Variants in CBFA2T2 observed in about 807,000 individuals in gnomAD.
CBFA2T2 encodes the protein CBFA2/RUNX1 partner transcriptional co-repressor 2, also known as protein CBFA2T2.
CBFA2T2 carries 11 observed loss-of-function variants against 62.2 expected under a neutral mutation model. That is an observed-to-expected ratio of 0.18 (90% confidence interval 0.11 to 0.29). CBFA2T2 has a LOEUF of 0.29. Ranked by LOEUF, CBFA2T2 falls within the 10% of genes least tolerant of loss-of-function variation. The pLI is 1.00. For missense variants in CBFA2T2, 592 were observed against 774.1 expected, an observed-to-expected ratio of 0.76 and a Z score of 2.79; for synonymous variants, 295 against 287.5, an observed-to-expected ratio of 1.03 and a Z score of -0.27.
chr20:33,520,970 T>TCACA (rs143080667), intron 1 of CBFA2T2, among the ~76,000 whole-genome samples: 3,035 of 137,074 alleles, frequency 0.022, 159 homozygotes, highest in Admixed American at 0.13. Context: ...TCACCTGCCA[T>TCACA]CACACACACA....
At chr20:33,490,931 T>G (rs1161727140) in intron 1 of CBFA2T2, among the ~76,000 whole-genome samples, 2 of 152,254 alleles carry the variant, frequency 1.3e-5, no homozygotes, top group Non-Finnish European at 2.9e-5. Context: ...ATTATTGTAA[T>G]CGTCCTTTAT....
At chr20:33,507,500 G>A (rs1177310950) in intron 1 of CBFA2T2, among the ~76,000 whole-genome samples, 3 of 152,126 alleles carry the variant, frequency 2.0e-5, no homozygotes, top group African/African-American at 7.2e-5. Context: ...TATGTATTTA[G>A]CTAATTTAAC....
chr20:33,581,923 G>A (rs1033199473), intron 1 of CBFA2T2, among the ~76,000 whole-genome samples: 2 of 152,172 alleles, frequency 1.3e-5, no homozygotes, highest in African/African-American at 4.8e-5. Flanking sequence ...TTCATTAGTG[G>A]AAAGGAATCT....
intron 1 of CBFA2T2, among the ~76,000 whole-genome samples, chr20:33,564,981 G>A (rs1312799918): frequency 1.3e-5 from 2 of 151,726 alleles, no homozygotes; most frequent in Non-Finnish European, 1.5e-5. Context: ...GTGCAGCGGC[G>A]CGATCTCGAC....
In CBFA2T2 at chr20:33,500,336, G is replaced by T. The variant is rs74623495; in HGVS notation, c.34+10035G>T. Among the ~76,000 whole-genome samples, 638 of 151,936 alleles carry T rather than the reference G, an allele frequency of 4.2e-3. 4 individuals carry two copies. The highest frequency in any genetic ancestry group is 0.014 in the African/African-American group (592 of 41,426). On this transcript the variant is annotated intron_variant, in intron 1 of 10. Transcript: ENST00000342704. ...GTTTTTAGACATGTGTTCTACAGGA[G>T]CCCAGAGCTTCCTGAAGATAATTGA...
intron 1 of CBFA2T2, among the ~76,000 whole-genome samples, chr20:33,599,243 CAGTG>C (rs922470368): frequency 2.0e-5 from 3 of 149,990 alleles, no homozygotes; most frequent in Admixed American, 6.6e-5. Flanking sequence ...GCCTGGGCGA[CAGTG>C]AGACTCTGTC....
At position 33,619,445 on chromosome 20, in the gene CBFA2T2, A is replaced by G. The variant is rs553039642; in HGVS notation, c.421-72A>G. ...AATAAATAACATTAAAAAAAAAAAA[A>G]AAGAAGAGTTTGGCACTATAAGTTT... On this transcript the variant is annotated intron_variant, in intron 3 of 10. Transcript: ENST00000342704. 4,114 of 751,704 alleles carry G rather than the reference A, an allele frequency of 5.5e-3. 27 individuals are homozygous for G. The highest frequency in any genetic ancestry group is 6.1e-3 in the Non-Finnish European group (2,959 of 481,660). The allele number at this position is 751,704 out of a possible 1,614,324, so 46.6% of individuals were successfully genotyped here.
At chr20:33,605,001 A>G (rs896154211) in intron 1 of CBFA2T2, among the ~76,000 whole-genome samples, 1 of 152,224 alleles carries the variant, frequency 6.6e-6, no homozygotes, top group Non-Finnish European at 1.5e-5. Flanking sequence ...GAACAGAGAA[A>G]TGGGAAGGGC....
intron 1 of CBFA2T2, among the ~76,000 whole-genome samples, chr20:33,544,605 T>C (rs1006120824): frequency 6.6e-6 from 1 of 152,144 alleles, no homozygotes; most frequent in South Asian, 2.1e-4. Context: ...TGGAGCGTAG[T>C]GGCGCGATCT....
chr20:33,513,604 G>A (rs1231151296), intron 1 of CBFA2T2, among the ~76,000 whole-genome samples: 12 of 151,080 alleles, frequency 7.9e-5, no homozygotes, highest in Admixed American at 1.3e-4. Flanking sequence ...CTTGTGATCC[G>A]CCTGCGTTGG....
intron 10 of CBFA2T2, among the ~76,000 whole-genome samples, chr20:33,642,613 AAG>A (rs1390303050): frequency 6.6e-6 from 1 of 152,026 alleles, no homozygotes; most frequent in Non-Finnish European, 1.5e-5. Flanking sequence ...TAAAAAAAAA[AAG>A]AAAAAAGAAA....
chr20:33,576,912 C>A (rs2013854230), intron 1 of CBFA2T2, among the ~76,000 whole-genome samples: 1 of 152,236 alleles, frequency 6.6e-6, no homozygotes, highest in Non-Finnish European at 1.5e-5. Context: ...TCTATGAGAT[C>A]TTATAGCTGC....
At chr20:33,539,650 A>T (rs1045456951) in intron 1 of CBFA2T2, among the ~76,000 whole-genome samples, 1 of 151,698 alleles carries the variant, frequency 6.6e-6, no homozygotes, top group African/African-American at 2.4e-5. Context: ...AATACTTTGT[A>T]GGGTGACAGC....
chr20:33,600,479 C>T (rs370600194), intron 1 of CBFA2T2: 22 of 412,342 alleles, frequency 5.3e-5, no homozygotes, highest in South Asian at 3.7e-4. Flanking sequence ...TGAGCCACTG[C>T]ACCCGGCCTG....
At chr20:33,594,953 G>A (rs1285375304) in intron 1 of CBFA2T2, among the ~76,000 whole-genome samples, 2 of 152,222 alleles carry the variant, frequency 1.3e-5, no homozygotes, top group African/African-American at 4.8e-5. Context: ...AGTTGGAGTA[G>A]ATAACTATAT....
intron 5 of CBFA2T2, among the ~76,000 whole-genome samples, chr20:33,624,236 T>TA (rs373462820): frequency 0.099 from 6,945 of 69,966 alleles, 382 homozygotes; most frequent in African/African-American, 0.23. Context: ...TTTTTAAAAG[T>TA]AAAAAAAAAA....
At chr20:33,501,035 T>C (rs530203224) in intron 1 of CBFA2T2, among the ~76,000 whole-genome samples, 6 of 152,354 alleles carry the variant, frequency 3.9e-5, no homozygotes, top group Admixed American at 1.3e-4. Context: ...TACTTTGCAA[T>C]GTGGCTCTTT....
At chr20:33,623,995 A>G (rs1334597578) in intron 5 of CBFA2T2, 3 of 572,524 alleles carry the variant, frequency 5.2e-6, no homozygotes, top group African/African-American at 3.8e-5. Context: ...ACAAAAAAAA[A>G]GAAATACAAT....
At chr20:33,549,722 G>A (rs1051814278) in intron 1 of CBFA2T2, among the ~76,000 whole-genome samples, 16 of 152,146 alleles carry the variant, frequency 1.1e-4, no homozygotes, top group African/African-American at 3.9e-4. Flanking sequence ...TTTATGGTCT[G>A]TATATTATAC....
Sources: gnomAD v4.1 joint callset for allele counts (sites outside exome capture counted in the v4.1 genomes callset) on GRCh38, gnomAD v4.1.1 for gene constraint, MANE v1.5 for transcripts, NCBI Gene and HGNC (gene_info 2026-07-23, HGNC 2026-07-21) for gene names.